The following ABR variants were observed in gnomAD, a reference collection of about 807,000 sequenced individuals.
ABR encodes the protein ABR activator of RhoGEF and GTPase.
Under a neutral mutation model 107.2 loss-of-function variants are expected in ABR, and 35 were observed. The ratio of observed to expected loss-of-function variants is 0.33; its 90% CI spans 0.25 to 0.43. ABR has a LOEUF of 0.43. ABR is among the 20% of genes least tolerant of loss of function. The pLI is 1.00. For missense variants in ABR, 815 were observed against 1,115.2 expected (o/e 0.73, Z 3.83); for synonymous variants, 498 against 462.0 (o/e 1.08, Z -1.00).
At chr17:1,197,764 C>G (rs1255481795) in intron 1 of ABR, among the ~76,000 whole-genome samples, 1 of 151,514 alleles carries the variant, frequency 6.6e-6, no homozygotes, top group Non-Finnish European at 1.5e-5. Context: ...GCCAACATCC[C>G]AGGGAGCTTG....
At chr17:1,213,627 G>C (rs1002372033) in intron 1 of ABR, among the ~76,000 whole-genome samples, 1 of 152,130 alleles carries the variant, frequency 6.6e-6, no homozygotes, top group Non-Finnish European at 1.5e-5. Flanking sequence ...TCCTGACCTC[G>C]TGACTCACCC....
rs117968948 is a variant in ABR, at chr17:1,142,083, A to C, written c.62-16716T>G. Among the ~76,000 whole-genome samples, 684 of 152,062 alleles carry C rather than the reference A, an allele frequency of 4.5e-3. 37 individuals carry two copies. In the East Asian group the frequency reaches 0.11, roughly 24 times the overall value. The stretch of plus-strand genomic sequence containing the variant: ...AGTTCATGACTTGAATCCTAAGATA[A>C]CTGTTCCAATCTTCACTGCACACTG... On this transcript the variant is annotated intron_variant, in intron 1 of 22. Coordinates refer to ENST00000302538, the MANE Select transcript of ABR (RefSeq NM_021962.5).
At position 1,012,100 on chromosome 17, in the gene ABR, T is replaced by TGGGGCG. The variant is rs1349197768; in HGVS notation, c.1962-121_1962-116dup. Reference sequence around the variant, plus strand: ...GCTTCTAGCATTTGGGATGGAGAGCTGGGGCGGGGGCAGGGGCAGGGCAGA... The same window carrying TGGGGCG: ...GCTTCTAGCATTTGGGATGGAGAGCTGGGGCGGGGGCGGGGGCAGGGGCAGGGCAGA... On this transcript the variant is annotated intron_variant, in intron 18 of 22. Transcript: ENST00000302538. 3.3e-6 allele frequency: 5 copies of TGGGGCG among 1,538,026 alleles called. No individual in the cohort carries two copies. The East Asian group carries it at 6.8e-5, about 21-fold the overall frequency.
At chr17:1,020,372 T>C (rs2663358) in intron 16 of ABR, among the ~76,000 whole-genome samples, 110,560 of 152,236 alleles carry the variant, frequency 0.73, 40,974 homozygotes, top group African/African-American at 0.86. Flanking sequence ...CGTGAGCCCC[T>C]GCATCCGGCC....
intron 1 of ABR, among the ~76,000 whole-genome samples, chr17:1,204,180 C>G (rs555062686): frequency 2.8e-4 from 43 of 152,354 alleles, no homozygotes; most frequent in South Asian, 1.2e-3. Flanking sequence ...CGCGGTGGCT[C>G]AGGCCTGTCA....
At chr17:1,228,881 G>C (rs891340007) in exon 1 of ABR, 4 of 151,734 alleles carry the variant, frequency 2.6e-5, no homozygotes, top group Non-Finnish European at 4.4e-5. Flanking sequence ...AGTCCCGCTC[G>C]GGCACCCGCA....
In ABR at chr17:1,119,748, G is replaced by A. The variant is rs550645302; in HGVS notation, c.246+5435C>T. On this transcript the variant is annotated intron_variant, in intron 2 of 22. Transcript: ENST00000302538. ...CCCAAACTGCAGTAGGATCAGCGGC[G>A]GGGTGGGTGTGAAAGCTTCACAAGG... Among the ~76,000 whole-genome samples the A allele has an allele frequency of 2.6e-5, 4 of 152,366 alleles. No homozygotes were observed. The South Asian group carries it at 6.2e-4, about 24-fold the overall frequency.
At position 1,148,499 on chromosome 17, in the gene ABR, C is replaced by G. The variant is rs1362978053; in HGVS notation, c.62-23132G>C. 6.6e-6 allele frequency among the ~76,000 whole-genome samples: 1 copy of G among 152,190 alleles called. No individual in the cohort carries two copies. The highest frequency in any genetic ancestry group is 6.5e-5 in the Admixed American group (1 of 15,278). ...CAGCCCCCCCGGGCATGGACCGGCACCAGTCCGTGGCCTGTTGGGAACCAG... is the reference window on the plus strand; with the variant it reads ...CAGCCCCCCCGGGCATGGACCGGCAGCAGTCCGTGGCCTGTTGGGAACCAG... On this transcript the variant is annotated intron_variant, in intron 1 of 22. Coordinates refer to ENST00000302538, the MANE Select transcript of ABR (RefSeq NM_021962.5). The surrounding 1 kb of genome is among the most constrained non-coding windows in gnomAD (Gnocchi z 4.9).
intron 1 of ABR, among the ~76,000 whole-genome samples, chr17:1,169,878 C>T (rs2041643131): frequency 6.6e-6 from 1 of 152,082 alleles, no homozygotes; most frequent in South Asian, 2.1e-4. Context: ...TCGCCCCTGG[C>T]CTCGCTCTAG....
intron 3 of ABR, among the ~76,000 whole-genome samples, chr17:1,099,774 G>T (rs141207039): frequency 6.6e-6 from 1 of 152,272 alleles, no homozygotes; most frequent in East Asian, 1.9e-4. Context: ...GAGGGGAACT[G>T]AGGCATGTTA....
At chr17:1,122,615 C>T (rs2039401805) in intron 2 of ABR, among the ~76,000 whole-genome samples, 1 of 152,194 alleles carries the variant, frequency 6.6e-6, no homozygotes, top group African/African-American at 2.4e-5. Flanking sequence ...ATCCCTGGCT[C>T]TCCTAGCTCT....
intron 1 of ABR, among the ~76,000 whole-genome samples, chr17:1,176,666 T>A (rs1320732747): frequency 6.6e-6 from 1 of 151,808 alleles, no homozygotes; most frequent in East Asian, 1.9e-4. Flanking sequence ...ACCAATATGG[T>A]GAAACCCCAT....
At position 1,084,666 on chromosome 17, in the gene ABR, A is replaced by T. The variant is rs1035929207; in HGVS notation, c.532-1039T>A. ...GGAAAGGCTTCGCTGCGCTGTATAT[A>T]AGCACTTCCTCTTAAGGGACCAAAG... On this transcript the variant is annotated intron_variant, in intron 4 of 22. Coordinates refer to ENST00000302538, the MANE Select transcript of ABR (RefSeq NM_021962.5). The surrounding 1 kb of genome is among the most constrained non-coding windows in gnomAD (Gnocchi z 4.2). Among the ~76,000 whole-genome samples the T allele has an allele frequency of 1.3e-5, 2 of 152,230 alleles. No homozygotes were observed. Among genetic ancestry groups the T allele is most frequent in the Non-Finnish European group, 2.9e-5 (2 of 68,046 alleles).
At chr17:1,193,175 T>C (rs1598102049) in intron 1 of ABR, among the ~76,000 whole-genome samples, 2 of 152,296 alleles carry the variant, frequency 1.3e-5, no homozygotes, top group South Asian at 4.1e-4. Context: ...AAACTGCTAC[T>C]AATCTAACGT....
rs776186481 is a variant in ABR at position 1,125,241 on chromosome 17, C to G, written c.188G>C (p.Arg63Pro). The change falls in exon 2 of 23, where the codon CGC becomes CCC. Residue 63 changes from arginine (R) to proline (P), a missense_variant. Transcript: ENST00000302538. ...SPTMSPQLSA[R>P]SQGGGDGVSP... ...GACGCCATCCCCCCCGCCCTGGCTG[C>G]GGGCGCTGAGCTGCGGGGACATGGT... The G allele has an allele frequency of 6.2e-7, 1 of 1,611,236 alleles. No individual in the cohort carries two copies. The highest frequency in any genetic ancestry group is 8.5e-7 in the Non-Finnish European group (1 of 1,178,358).
chr17:1,026,649 G>A (rs947539972), intron 16 of ABR, among the ~76,000 whole-genome samples: 25 of 152,304 alleles, frequency 1.6e-4, no homozygotes, highest in Non-Finnish European at 2.5e-4. Context: ...CAGGACTGAC[G>A]CTGCGTTTCT....
intron 3 of ABR, among the ~76,000 whole-genome samples, chr17:1,093,759 C>T (rs1450604167): frequency 1.3e-5 from 2 of 152,298 alleles, no homozygotes; most frequent in South Asian, 2.1e-4. Context: ...CTCACATCAC[C>T]TCATTCTGAT....
Position 1,100,512 on chromosome 17 carries a change from T to A in ABR, c.345+125A>T. On this transcript the variant is annotated intron_variant, in intron 3 of 22. Coordinates refer to ENST00000302538, the MANE Select transcript of ABR (RefSeq NM_021962.5). ...AGCCAGAAGCAGACCAGCTGCAGAC[T>A]CTGTCCACAGGGAGGGACGGGTACG... The A allele has an allele frequency of 4.6e-6, 4 of 864,016 alleles. No homozygotes were observed. In the South Asian group the frequency reaches 6.4e-5, roughly 14 times the overall value. The allele number at this position is 864,016 out of a possible 1,614,324, so 53.5% of individuals were successfully genotyped here. A position where few individuals can be genotyped will look rare whatever the true frequency, so the allele number is the denominator to read the frequency against.
chr17:1,093,285 A>G (rs1002453938), intron 3 of ABR, among the ~76,000 whole-genome samples: 16 of 152,110 alleles, frequency 1.1e-4, no homozygotes, highest in African/African-American at 3.6e-4. Context: ...TCTGACCAAC[A>G]TGGTGAAACC....
Sources: gnomAD v4.1 joint callset for allele counts (sites outside exome capture counted in the v4.1 genomes callset) on GRCh38, gnomAD v4.1.1 for gene constraint, Gnocchi (gnomAD v3.1) non-coding constraint, MANE v1.5 for transcripts, NCBI Gene and HGNC (gene_info 2026-07-23, HGNC 2026-07-21) for gene names.